COLEC12: variants seen among roughly 807,000 people sequenced by gnomAD.
COLEC12 encodes the protein collectin subfamily member 12, also known as collectin-12.
In COLEC12, 33 loss-of-function variants were observed where a neutral mutation model predicts 71.1. The ratio of observed to expected loss-of-function variants is 0.46; its 90% CI spans 0.35 to 0.62. The LOEUF (loss-of-function observed/expected upper bound fraction) is 0.62. Among genes scored for constraint, COLEC12 ranks in the 20% least tolerant of loss-of-function variants. COLEC12 has a pLI of 0.00. For synonymous variants in COLEC12, 350 were observed against 353.0 expected (o/e 0.99, Z 0.10); for missense variants, 765 against 916.1 (o/e 0.84, Z 2.13).
intron 1 of COLEC12, among the ~76,000 whole-genome samples, chr18:488,999 C>T (rs1321528263): frequency 1.3e-5 from 2 of 152,054 alleles, no homozygotes; most frequent in Non-Finnish European, 2.9e-5. Flanking sequence ...CATTTCCCAG[C>T]ATTGAAGGAC....
At chr18:330,873 G>GTTTTTTTTTTTTTTTTTTTTTTTT (rs60146586) in intron 8 of COLEC12, among the ~76,000 whole-genome samples, 1 of 133,766 alleles carries the variant, frequency 7.5e-6, no homozygotes. Context: ...CACATTTGTA[G>GTTTTTTTTTTTTTTTTTTTTTTTT]TTTTTTTTTT....
intron 2 of COLEC12, among the ~76,000 whole-genome samples, chr18:392,519 T>C (rs966891861): frequency 1.3e-5 from 2 of 152,252 alleles, no homozygotes; most frequent in Admixed American, 6.5e-5. Flanking sequence ...GATTTGGTAT[T>C]TGGCGAAACT....
At chr18:400,121 G>GC (rs777890133) in intron 2 of COLEC12, among the ~76,000 whole-genome samples, 38 of 152,130 alleles carry the variant, frequency 2.5e-4, no homozygotes, top group Non-Finnish European at 4.6e-4. Flanking sequence ...GAAGGAGACC[G>GC]CAAGAAGACA....
rs948310761 is a variant in COLEC12, at chr18:362,004, C to T, written c.59-4482G>A. 1.2e-4 allele frequency among the ~76,000 whole-genome samples: 19 copies of T among 152,132 alleles called. No homozygotes were observed. Among genetic ancestry groups the T allele is most frequent in the African/African-American group, 3.9e-4 (16 of 41,422 alleles). On this transcript the variant is annotated intron_variant, in intron 2 of 9. Coordinates refer to ENST00000400256, the MANE Select transcript of COLEC12 (RefSeq NM_130386.3). This position sits in a 1 kb window ranked among gnomAD's most constrained non-coding sequence, Gnocchi z 4.6. Reference sequence around the variant, plus strand: ...GCTAGAAGGTTGTGCAGAGGTCAAGCGTCATTGTGTCATTGATGGGAAAAG... The same window carrying T: ...GCTAGAAGGTTGTGCAGAGGTCAAGTGTCATTGTGTCATTGATGGGAAAAG...
chr18:406,761 G>A (rs1330505954), intron 2 of COLEC12, among the ~76,000 whole-genome samples: 1 of 152,212 alleles, frequency 6.6e-6, no homozygotes, highest in Non-Finnish European at 1.5e-5. Context: ...TGCTCTCCAG[G>A]ACTGGTCTGC....
At chr18:414,565 T>C (rs1335533727) in intron 2 of COLEC12, among the ~76,000 whole-genome samples, 4 of 152,090 alleles carry the variant, frequency 2.6e-5, no homozygotes, top group Non-Finnish European at 5.9e-5. Flanking sequence ...GCCATTGCAC[T>C]CCAGCCTGGG....
intron 3 of COLEC12, among the ~76,000 whole-genome samples, chr18:355,418 C>T (rs1283381721): frequency 6.6e-6 from 1 of 151,996 alleles, no homozygotes; most frequent in East Asian, 1.9e-4. Context: ...TGGACCAGCA[C>T]ACGCACAACA....
chr18:403,618 C>A (rs1333286983), intron 2 of COLEC12, among the ~76,000 whole-genome samples: 1 of 152,212 alleles, frequency 6.6e-6, no homozygotes, highest in Non-Finnish European at 1.5e-5. Flanking sequence ...TAACTGAAGA[C>A]ACATCCTTCT....
chr18:319,973 G>A lies in COLEC12; in HGVS notation c.*72C>T. On this transcript the variant is annotated 3_prime_UTR_variant, in exon 10 of 10. Coordinates refer to ENST00000400256, the MANE Select transcript of COLEC12 (RefSeq NM_130386.3). ...TTTTTTTTCAATCTGATGAGAAGGT[G>A]ATGCAATTAGAAAGGAGTGTCCTTT... 2.4e-6 allele frequency: 2 copies of A among 836,760 alleles called. No individual in the cohort carries two copies. The highest frequency in any genetic ancestry group is 1.5e-5 in the South Asian group (1 of 64,896). 51.8% of individuals were successfully genotyped at this position (836,760 alleles called of 1,614,324 possible).
At chr18:343,503 C>T (rs1008102106) in intron 5 of COLEC12, among the ~76,000 whole-genome samples, 1 of 152,030 alleles carries the variant, frequency 6.6e-6, no homozygotes, top group Admixed American at 6.5e-5. Flanking sequence ...CCCCTCCCTG[C>T]TCTCTATTCT....
chr18:325,480 C>T (rs1913814757), intron 8 of COLEC12, among the ~76,000 whole-genome samples: 1 of 152,076 alleles, frequency 6.6e-6, no homozygotes, highest in Non-Finnish European at 1.5e-5. Context: ...CCTCCCTTAG[C>T]ATTCTGCTCT....
chr18:496,902 G>A (rs1022203374), intron 1 of COLEC12, among the ~76,000 whole-genome samples: 3 of 152,132 alleles, frequency 2.0e-5, no homozygotes, highest in Non-Finnish European at 2.9e-5. Flanking sequence ...TTTAGTTAAC[G>A]ACACACGTAA....
chr18:481,904 C>CT (rs923148159), intron 1 of COLEC12, among the ~76,000 whole-genome samples: 10 of 149,870 alleles, frequency 6.7e-5, no homozygotes, highest in South Asian at 4.2e-4. Context: ...CTAAAGGACA[C>CT]TTTTTTTTTT....
chr18:428,084 G>C (rs749822907), intron 2 of COLEC12, among the ~76,000 whole-genome samples: 4 of 151,630 alleles, frequency 2.6e-5, no homozygotes, highest in Non-Finnish European at 5.9e-5. Context: ...GGCCAACATG[G>C]TGAAACCCCA....
chr18:371,610 A>G (rs1280300366), intron 2 of COLEC12, among the ~76,000 whole-genome samples: 1 of 152,132 alleles, frequency 6.6e-6, no homozygotes, highest in Non-Finnish European at 1.5e-5. Context: ...TTTTAAAGAA[A>G]GAGAAGAAAA....
intron 2 of COLEC12, among the ~76,000 whole-genome samples, chr18:373,024 C>T (rs921490875): frequency 1.3e-5 from 2 of 152,200 alleles, no homozygotes; most frequent in Admixed American, 6.5e-5. Flanking sequence ...ACACAGACTA[C>T]AGCTGCCTGT....
At position 382,975 on chromosome 18, in the gene COLEC12, AT is replaced by A. The variant is rs1245549511; in HGVS notation, c.59-25454del. Reference sequence around the variant, plus strand: ...TTCAGAATCCTTTAAAAATGCAATGATTTTTTGGGGTGTCATCTACAGGCAA... The same window carrying A: ...TTCAGAATCCTTTAAAAATGCAATGATTTTTGGGGTGTCATCTACAGGCAA... On this transcript the variant is annotated intron_variant, in intron 2 of 9. Transcript: ENST00000400256. Among the ~76,000 whole-genome samples the A allele has an allele frequency of 2.6e-5, 4 of 152,162 alleles. No individual in the cohort carries two copies. In the South Asian group the frequency reaches 6.2e-4, roughly 24 times the overall value.
At chr18:394,907 G>A (rs1436876093) in intron 2 of COLEC12, among the ~76,000 whole-genome samples, 7 of 152,168 alleles carry the variant, frequency 4.6e-5, no homozygotes. Context: ...CCATGTTGAT[G>A]CCAACTCAGT....
chr18:334,815 G>A lies in COLEC12; in HGVS notation c.1743C>T (p.Gly581=), dbSNP rs762261476. 1.3e-6 allele frequency: 2 copies of A among 1,518,988 alleles called. No homozygotes were observed. Among genetic ancestry groups the A allele is most frequent in the Admixed American group, 2.5e-5 (1 of 40,190 alleles). 94.1% of individuals were successfully genotyped at this position (1,518,988 alleles called of 1,614,324 possible). The change falls in exon 6 of 10, where the codon GGC becomes GGT. Residue 581 remains glycine (G), a synonymous_variant. Transcript: ENST00000400256. The part of the protein sequence containing the change: ...PGMPGPKGPP[G]PPGPSGAVVP... ...CCACCGCTCCTGATGGGCCAGGAGG[G>A]CCGGGGGGGCCCTTGGGGCCTGGCA...
Sources: allele counts gnomAD v4.1 joint callset (sites outside exome capture counted in the v4.1 genomes callset), GRCh38; gene constraint gnomAD v4.1.1; non-coding constraint Gnocchi (gnomAD v3.1); transcripts MANE v1.5; gene names NCBI Gene and HGNC (gene_info 2026-07-23, HGNC 2026-07-21).